The following IL7 variants were observed in gnomAD, a reference collection of about 807,000 sequenced individuals.
The protein encoded by IL7 is interleukin-7.
A neutral mutation model predicts 21.6 loss-of-function variants in IL7; 3 were observed. The observed-to-expected ratio is 0.14, with a 90% confidence interval of 0.06 to 0.36. The LOEUF (loss-of-function observed/expected upper bound fraction) is 0.36, where lower values mean the gene tolerates loss of function less well. Among genes scored for constraint, IL7 ranks in the 10% least tolerant of loss-of-function variants. The probability of loss-of-function intolerance (pLI) is 1.00; values close to 1 mark genes in which losing one functional copy is unlikely to be tolerated. For missense variants in IL7, 175 were observed against 200.2 expected (o/e 0.87, Z 0.76); for synonymous variants, 62 against 68.1 (o/e 0.91, Z 0.44).
intron 2 of IL7, among the ~76,000 whole-genome samples, chr8:78,776,579 G>T (rs561822708): frequency 1.7e-4 from 26 of 152,072 alleles, no homozygotes; most frequent in Admixed American, 1.5e-3. Flanking sequence ...GTTTTTATTT[G>T]CATCTGTTCT....
intron 3 of IL7, among the ~76,000 whole-genome samples, chr8:78,687,101 A>G (rs1245065385): frequency 3.3e-5 from 5 of 152,118 alleles, no homozygotes; most frequent in Non-Finnish European, 7.4e-5. Flanking sequence ...CATTGAGCAG[A>G]TAAAAGTTGC....
chr8:78,759,484 A>G (rs866107181), intron 2 of IL7, among the ~76,000 whole-genome samples: 2 of 152,110 alleles, frequency 1.3e-5, no homozygotes, highest in South Asian at 2.1e-4. Flanking sequence ...ACCATGAAAC[A>G]GAAGTGTTCA....
At chr8:78,773,479 C>T (rs1401292815) in intron 2 of IL7, among the ~76,000 whole-genome samples, 2 of 152,010 alleles carry the variant, frequency 1.3e-5, no homozygotes, top group Non-Finnish European at 2.9e-5. Flanking sequence ...GAAAATTCCA[C>T]AATGAGAAAA....
chr8:78,794,535 G>C lies in IL7; in HGVS notation c.147+3537C>G, dbSNP rs1049180980. ...TGACTTCTCTTCTTTAGCTATGAAA[G>C]TTCTAGATGTCGCCTGTTTCCAGTA... On this transcript the variant is annotated intron_variant, in intron 2 of 5. Transcript: ENST00000263851. 5.3e-5 allele frequency among the ~76,000 whole-genome samples: 8 copies of C among 152,164 alleles called. No homozygotes were observed. The South Asian group carries it at 8.3e-4, about 16-fold the overall frequency.
intron 3 of IL7, among the ~76,000 whole-genome samples, chr8:78,727,340 G>A (rs143176861): frequency 8.1e-4 from 123 of 152,100 alleles, no homozygotes; most frequent in African/African-American, 2.7e-3. Flanking sequence ...CTGTTAATTA[G>A]TTGCACTTAG....
At chr8:78,799,471 T>C (rs945793731) in intron 1 of IL7, among the ~76,000 whole-genome samples, 5 of 152,130 alleles carry the variant, frequency 3.3e-5, no homozygotes, top group African/African-American at 1.2e-4. Flanking sequence ...TGTGACAACA[T>C]AGTAAGAGAA....
chr8:78,778,246 C>T (rs1199390328), intron 2 of IL7, among the ~76,000 whole-genome samples: 1 of 152,038 alleles, frequency 6.6e-6, no homozygotes, highest in Non-Finnish European at 1.5e-5. Flanking sequence ...TGCAAAATTG[C>T]ATGGAAAGGC....
intron 4 of IL7, among the ~76,000 whole-genome samples, chr8:78,683,060 C>G (rs1038554240): frequency 1.3e-5 from 2 of 152,240 alleles, no homozygotes; most frequent in Non-Finnish European, 2.9e-5. Context: ...AGCTCTACCC[C>G]TTTGTCTTTG....
chr8:78,680,097 A>G (rs889951117), intron 4 of IL7, among the ~76,000 whole-genome samples: 3 of 152,094 alleles, frequency 2.0e-5, no homozygotes, highest in Non-Finnish European at 4.4e-5. Context: ...TAACATGGTG[A>G]TAGTAGTAGT....
chr8:78,776,116 G>T (rs1057341342), intron 2 of IL7, among the ~76,000 whole-genome samples: 3 of 151,972 alleles, frequency 2.0e-5, no homozygotes, highest in African/African-American at 7.2e-5. Flanking sequence ...ACCTAATAAT[G>T]AAATAGAGCA....
intron 3 of IL7, among the ~76,000 whole-genome samples, chr8:78,723,243 G>A (rs961518938): frequency 9.2e-5 from 14 of 151,694 alleles, no homozygotes; most frequent in Non-Finnish European, 1.9e-4. Context: ...AAGAAAAATA[G>A]CTTTTAATTA....
intron 3 of IL7, among the ~76,000 whole-genome samples, chr8:78,700,957 A>G (rs1186473383): frequency 6.6e-6 from 1 of 152,162 alleles, no homozygotes; most frequent in Non-Finnish European, 1.5e-5. Flanking sequence ...TTTGCTTAGA[A>G]TTACCTTGGC....
At chr8:78,708,002 A>G (rs1810831256) in intron 3 of IL7, among the ~76,000 whole-genome samples, 1 of 152,190 alleles carries the variant, frequency 6.6e-6, no homozygotes, top group African/African-American at 2.4e-5. Flanking sequence ...ATTTTTGGTT[A>G]AGTGAAAAAA....
intron 3 of IL7, among the ~76,000 whole-genome samples, chr8:78,723,303 A>C (rs1306577931): frequency 6.6e-6 from 1 of 151,860 alleles, no homozygotes; most frequent in Non-Finnish European, 1.5e-5. Flanking sequence ...ATTGTGTGAC[A>C]CTGTTTTAGG....
At chr8:78,735,284 T>TC in intron 5 of IL7, among the ~76,000 whole-genome samples, 1 of 122,252 alleles carries the variant, frequency 8.2e-6, no homozygotes, top group East Asian at 2.0e-4. Context: ...TTCTTTTTTT[T>TC]TTTTTTTTGT....
At chr8:78,780,725 G>A (rs1433302735) in intron 2 of IL7, among the ~76,000 whole-genome samples, 2 of 152,158 alleles carry the variant, frequency 1.3e-5, no homozygotes, top group Admixed American at 6.5e-5. Flanking sequence ...GGGGTGGAGA[G>A]TTCTGTAGAT....
intron 3 of IL7, chr8:78,697,342 A>C: frequency 7.7e-7 from 1 of 1,297,764 alleles, no homozygotes; most frequent in South Asian, 1.4e-5. Flanking sequence ...TAAGTTTTGA[A>C]CCACTACTTT....
chr8:78,690,946 C>G (rs1372720046), intron 3 of IL7, among the ~76,000 whole-genome samples: 1 of 152,010 alleles, frequency 6.6e-6, no homozygotes, highest in African/African-American at 2.4e-5. Flanking sequence ...CTGCTATTTT[C>G]CTAAATTCAT....
At chr8:78,702,113 A>T (rs192776685) in intron 3 of IL7, among the ~76,000 whole-genome samples, 3 of 151,866 alleles carry the variant, frequency 2.0e-5, no homozygotes, top group African/African-American at 7.3e-5. Flanking sequence ...GCTTTTTTCA[A>T]TTGGTAAGCT....
Sources: gnomAD v4.1 joint callset for allele counts (sites outside exome capture counted in the v4.1 genomes callset) on GRCh38, gnomAD v4.1.1 for gene constraint, MANE v1.5 for transcripts, NCBI Gene and HGNC (gene_info 2026-07-23, HGNC 2026-07-21) for gene names.